VWDE: variants seen among roughly 807,000 people sequenced by gnomAD.
VWDE encodes von Willebrand factor D and EGF domains, also known as von Willebrand factor D and EGF domain-containing protein.
VWDE carries 207 observed loss-of-function variants against 178.4 expected under a neutral mutation model. That is an observed-to-expected ratio of 1.16 (90% CI 1.04 to 1.30). VWDE has a LOEUF of 1.30. Among genes scored for constraint, VWDE ranks in the 50% most tolerant of loss-of-function variants. The probability of loss-of-function intolerance (pLI) is 0.00; values close to 1 mark genes in which losing one functional copy is unlikely to be tolerated. For synonymous variants in VWDE, 738 were observed against 651.4 expected (o/e 1.13, Z -2.02); for missense variants, 2,287 against 1,901.3 (o/e 1.20, Z -3.77).
intron 2 of VWDE, among the ~76,000 whole-genome samples, chr7:12,392,023 A>T (rs1016229447): frequency 6.6e-6 from 1 of 152,200 alleles, no homozygotes; most frequent in Non-Finnish European, 1.5e-5. Context: ...ATATGTCTTC[A>T]ATAATACAAT....
In VWDE at chr7:12,351,566, T is replaced by A. The variant is rs879100450; in HGVS notation, c.3886+7A>T. The A allele has an allele frequency of 2.6e-6, 4 of 1,544,366 alleles. No individual in the cohort carries two copies. The South Asian group carries it at 4.9e-5, about 19-fold the overall frequency. ...GTCATTAGATTTTAACTATGACCAT[T>A]ACTTACTGAAGGCATTTCCACTTGT... On this transcript the variant is annotated splice_region_variant and intron_variant, in intron 19 of 28. Transcript: ENST00000275358.
chr7:12,377,984 T>C, intron 6 of VWDE, 64 bp from the exon 7 acceptor site: 2 of 1,238,380 alleles, frequency 1.6e-6, no homozygotes, highest in Non-Finnish European at 1.1e-6. Flanking sequence ...GGCACAGTTT[T>C]GAAAGGGCAT....
intron 10 of VWDE, 110 bp downstream of exon 10, chr7:12,372,867 T>C: frequency 9.2e-7 from 1 of 1,089,480 alleles, no homozygotes; most frequent in Admixed American, 2.8e-5. Context: ...ATAAATGCTA[T>C]TTTCTTAAAC....
In VWDE at chr7:12,340,361, G is replaced by T. The variant is rs1455303435; in HGVS notation, c.4327C>A (p.Leu1443Ile). The change falls in exon 24 of 29, where the codon CTC (leucine) becomes ATC (isoleucine). Residue 1443 changes from leucine to isoleucine, a missense_variant. Leu to Ile is a conservative substitution (Grantham distance 5). Coordinates refer to ENST00000275358, the MANE Select transcript of VWDE (RefSeq NM_001135924.3). Reference protein sequence around the residue: ...GGSCNKPNTCLCPNGFFGEHC... With the variant: ...GGSCNKPNTCICPNGFFGEHC... ...TCCCCAAAGAATCCATTTGGACAGA[G>T]GCAAGTATTTGGCTTATTACACGAA... 2 of 1,551,330 alleles carry T rather than the reference G, an allele frequency of 1.3e-6. No homozygotes were observed. Among genetic ancestry groups the T allele is most frequent in the African/African-American group, 2.7e-5 (2 of 73,022 alleles).
At chr7:12,337,150 T>TGACAAATA in intron 25 of VWDE, 27 bp downstream of exon 25, 1 of 1,551,306 alleles carries the variant, frequency 6.4e-7, no homozygotes. Context: ...TAGCTGTAGT[T>TGACAAATA]GACAAATACA....
intron 28 of VWDE, among the ~76,000 whole-genome samples, chr7:12,332,645 T>C (rs1235532395): frequency 6.6e-6 from 1 of 152,172 alleles, no homozygotes; most frequent in East Asian, 1.9e-4. Context: ...ATCAAATAAG[T>C]ACTCAATAAC....
At chr7:12,342,506 A>T (rs1271143634) in intron 22 of VWDE, among the ~76,000 whole-genome samples, 2 of 152,140 alleles carry the variant, frequency 1.3e-5, no homozygotes, top group African/African-American at 4.8e-5. Flanking sequence ...TGTTTTCTCA[A>T]AGAAAGACCA....
At chr7:12,392,010 G>T (rs952672773) in intron 2 of VWDE, among the ~76,000 whole-genome samples, 2 of 152,172 alleles carry the variant, frequency 1.3e-5, no homozygotes, top group African/African-American at 4.8e-5. Context: ...GCATGACACA[G>T]ACATATGTCT....
intron 7 of VWDE, among the ~76,000 whole-genome samples, chr7:12,377,121 G>A (rs1318455341): frequency 6.6e-6 from 1 of 152,130 alleles, no homozygotes; most frequent in East Asian, 1.9e-4. Flanking sequence ...GGGCTCAGTG[G>A]GAAAAAGAAC....
chr7:12,346,545 A>T (rs1781608654), intron 19 of VWDE, among the ~76,000 whole-genome samples: 1 of 151,430 alleles, frequency 6.6e-6, no homozygotes, highest in African/African-American at 2.4e-5. Flanking sequence ...ATGTGATAAA[A>T]TCAGATTTTA....
chr7:12,361,335 A>G lies in VWDE; in HGVS notation c.3054+31T>C, dbSNP rs1309045832. On this transcript the variant is annotated intron_variant, in intron 14 of 28. Coordinates refer to ENST00000275358, the MANE Select transcript of VWDE (RefSeq NM_001135924.3). ...GAAATGTTAAGTATTTACTTTGTTT[A>G]TAAATATGAAGATGTCTTTTTATTT... 3 of 1,543,290 alleles carry G rather than the reference A, an allele frequency of 1.9e-6. No homozygotes were observed. The East Asian group carries it at 7.4e-5, about 38-fold the overall frequency.
At chr7:12,390,954 A>G (rs111649832) in intron 2 of VWDE, among the ~76,000 whole-genome samples, 20 of 152,336 alleles carry the variant, frequency 1.3e-4, no homozygotes, top group African/African-American at 4.8e-4. Context: ...TTGCAGAATT[A>G]CTTATTATAG....
intron 3 of VWDE, among the ~76,000 whole-genome samples, chr7:12,385,276 ATAT>A (rs1303242717): frequency 6.6e-6 from 1 of 152,294 alleles, no homozygotes; most frequent in East Asian, 1.9e-4. Context: ...TTAAAATTAA[ATAT>A]TATGACTCCT....
At chr7:12,387,593 A>G (rs182259963) in intron 3 of VWDE, among the ~76,000 whole-genome samples, 1 of 152,082 alleles carries the variant, frequency 6.6e-6, no homozygotes, top group East Asian at 1.9e-4. Context: ...ATATATATAT[A>G]AATATATTGG....
In VWDE at chr7:12,375,236, T is replaced by C. The variant is rs1307546735; in HGVS notation, c.1025-9A>G. Reference sequence around the variant, plus strand: ...GCCTAGGTGCTCTCTACCTATTTAATGAAAAAATAGGTTTAAAAATTTCCA... The same window carrying C: ...GCCTAGGTGCTCTCTACCTATTTAACGAAAAAATAGGTTTAAAAATTTCCA... On this transcript the variant is annotated splice_polypyrimidine_tract_variant and intron_variant, in intron 7 of 28. Transcript: ENST00000275358. 1 of 1,545,558 alleles carries C rather than the reference T, an allele frequency of 6.5e-7. No individual in the cohort carries two copies. Among genetic ancestry groups the C allele is most frequent in the South Asian group, 1.2e-5 (1 of 83,526 alleles).
Position 12,344,273 on chromosome 7 carries a change from A to T in VWDE, c.4000T>A (p.Cys1334Ser). Residue 1334 changes from cysteine to serine, a missense_variant, in exon 21 of 29, where the codon TGC becomes AGC. Coordinates refer to ENST00000275358, the MANE Select transcript of VWDE (RefSeq NM_001135924.3). Reference protein sequence around the residue: ...NCQTALCDPDCKNHGKCIKPN... With the variant: ...NCQTALCDPDSKNHGKCIKPN... ...TTAATACATTTTCCATGGTTTTTGC[A>T]ATCAGGGTCACAAAGAGCTGTATAA... The T allele has an allele frequency of 6.4e-7, 1 of 1,551,196 alleles. No homozygotes were observed. Among genetic ancestry groups the T allele is most frequent in the Non-Finnish European group, 8.7e-7 (1 of 1,146,626 alleles).
At chr7:12,394,983 A>G (rs1784557388) in intron 1 of VWDE, among the ~76,000 whole-genome samples, 1 of 152,166 alleles carries the variant, frequency 6.6e-6, no homozygotes, top group Non-Finnish European at 1.5e-5. Context: ...AAAATAAGTC[A>G]TTATAATTAG....
chr7:12,353,421 G>GC (rs1159321225), intron 18 of VWDE, among the ~76,000 whole-genome samples: 1 of 2,422 alleles, frequency 4.1e-4, no homozygotes, highest in African/African-American at 1.0e-3. Flanking sequence ...TATAAATTTT[G>GC]GGGGGACGCA....
intron 23 of VWDE, among the ~76,000 whole-genome samples, chr7:12,340,768 G>A (rs138101351): frequency 1.3e-5 from 2 of 152,130 alleles, no homozygotes; most frequent in South Asian, 2.1e-4. Flanking sequence ...TAGAAGAAAC[G>A]ATTGCAAGTT....
Sources: gnomAD v4.1 joint callset for allele counts (sites outside exome capture counted in the v4.1 genomes callset) on GRCh38, gnomAD v4.1.1 for gene constraint, MANE v1.5 for transcripts, NCBI Gene and HGNC (gene_info 2026-07-23, HGNC 2026-07-21) for gene names.